PRSS37: variants seen among roughly 807,000 people sequenced by gnomAD.
PRSS37 encodes probable inactive serine protease 37.
A neutral mutation model predicts 28.0 loss-of-function variants in PRSS37; 25 were observed. The observed-to-expected ratio is 0.89, with a 90% CI of 0.65 to 1.25. The LOEUF (loss-of-function observed/expected upper bound fraction) is 1.25. Among genes scored for constraint, PRSS37 ranks in the 50% most tolerant of loss-of-function variants. The pLI is 0.00. For missense variants in PRSS37, 282 were observed against 292.2 expected, an observed-to-expected ratio of 0.97 and a Z score of 0.25; for synonymous variants, 109 against 107.8, an observed-to-expected ratio of 1.01 and a Z score of -0.07.
At chr7:141,840,093 A>G (rs1801106517) in intron 1 of PRSS37, among the ~76,000 whole-genome samples, 2 of 152,350 alleles carry the variant, frequency 1.3e-5, no homozygotes, top group East Asian at 3.8e-4. Context: ...ACAAATAAAT[A>G]AAAACATTTA....
At position 141,836,478 on chromosome 7, in the gene PRSS37, G is replaced by T. The variant is rs774855227; in HGVS notation, c.625C>A (p.His209Asn). The T allele has an allele frequency of 6.2e-7, 1 of 1,609,502 alleles. No individual in the cohort carries two copies. The highest frequency in any genetic ancestry group is 1.1e-5 in the South Asian group (1 of 90,638). Residue 209 changes from histidine to asparagine, a missense_variant, in exon 5 of 5, where the codon CAC becomes AAC. His to Asn is a moderately conservative substitution (Grantham distance 68). Transcript: ENST00000350549. ...ATGCCGACGTCCCCTCCCATGAAGT[G>T]CCCCACCTCGATTCCCTGGAGCTTG... ...KDKLQGIEVG[H>N]FMGGDVGIYT...
In PRSS37 at chr7:141,839,533, A is replaced by G. The variant is rs550199464; in HGVS notation, c.35-54T>C. On this transcript the variant is annotated intron_variant, in intron 1 of 4. Coordinates refer to ENST00000350549, the MANE Select transcript of PRSS37 (RefSeq NM_001008270.3). ...ATAAATATTATAAAAATAAGGTAAC[A>G]GTCTCTTACTTGAAAAGGAATCTGG... The G allele has an allele frequency of 2.9e-6, 4 of 1,399,552 alleles. No individual in the cohort carries two copies. The African/African-American group carries it at 5.8e-5, about 20-fold the overall frequency. 86.7% of individuals were successfully genotyped at this position (1,399,552 alleles called of 1,614,324 possible).
chr7:141,838,676 C>T, intron 2 of PRSS37: 1 of 246,702 alleles, frequency 4.1e-6, no homozygotes, highest in East Asian at 1.1e-4. Context: ...CTCCCAGGTC[C>T]CTCCCTGCAG....
In PRSS37 at chr7:141,838,054, G is replaced by A. The variant is rs1206495258; in HGVS notation, c.236C>T (p.Thr79Ile). The A allele has an allele frequency of 1.2e-6, 2 of 1,613,982 alleles. No homozygotes were observed. The highest frequency in any genetic ancestry group is 2.2e-5 in the East Asian group (1 of 44,886). ...GCGGACGATCTGAATGGGGTTAATT[G>A]TCTGTTCAGTACCGTCTCTGACTCT... ...KSRVRDGTEQ[T>I]INPIQIVRYW... The change falls in exon 3 of 5, where the codon ACA becomes ATA. Residue 79 changes from threonine (T) to isoleucine (I), a missense_variant. By Grantham distance (89) the Thr-to-Ile change is moderately conservative. Coordinates refer to ENST00000350549, the MANE Select transcript of PRSS37 (RefSeq NM_001008270.3).
chr7:141,840,854 A>C (rs931538864), intron 1 of PRSS37, among the ~76,000 whole-genome samples, 162 bp downstream of exon 1: 10 of 152,178 alleles, frequency 6.6e-5, no homozygotes, highest in Non-Finnish European at 1.0e-4. Context: ...GGCTCAGCCT[A>C]TCCGGAGAGC....
In PRSS37 at chr7:141,837,955, T is replaced by G; in HGVS notation, c.335A>C (p.Asn112Thr). 6.2e-7 allele frequency: 1 copy of G among 1,614,126 alleles called. No individual in the cohort carries two copies. Residue 112 changes from asparagine (N) to threonine (T), a missense_variant, in exon 3 of 5, where the codon AAT becomes ACT. Transcript: ENST00000350549. ...GAGGGTAAGGGGCTGGACTTTGGGA[T>G]TGAGCATGGCAGGCTTAGCCAGCTT... ...LIKLAKPAML[N>T]PKVQPLTLAT...
rs572136282 is a variant in PRSS37, at chr7:141,839,646, C to T, written c.35-167G>A. On this transcript the variant is annotated intron_variant, in intron 1 of 4. Coordinates refer to ENST00000350549, the MANE Select transcript of PRSS37 (RefSeq NM_001008270.3). Reference sequence around the variant, plus strand: ...TAAAAATGTAAATTAAAACGATATGCCATTTTATCTTATATTTATAATAAT... The same window carrying T: ...TAAAAATGTAAATTAAAACGATATGTCATTTTATCTTATATTTATAATAAT... Among the ~76,000 whole-genome samples the T allele has an allele frequency of 2.0e-5, 3 of 152,018 alleles. No individual in the cohort carries two copies. In the South Asian group the frequency reaches 6.2e-4, roughly 32 times the overall value.
chr7:141,839,512 ATAT>A, intron 1 of PRSS37, 33 bp from the exon 2 acceptor site: 1 of 1,519,590 alleles, frequency 6.6e-7, no homozygotes. Flanking sequence ...TAATACATAA[ATAT>A]TATAAAAATA....
chr7:141,839,044 T>C, intron 2 of PRSS37: 2 of 569,990 alleles, frequency 3.5e-6, no homozygotes, highest in East Asian at 4.0e-5. Flanking sequence ...CTTATGAGAG[T>C]CTGAGGAGGC....
At chr7:141,839,583 G>T in intron 1 of PRSS37, 104 bp from the exon 2 acceptor site, 1 of 882,772 alleles carries the variant, frequency 1.1e-6, no homozygotes, top group Non-Finnish European at 1.7e-6. Flanking sequence ...GTTATCAGTT[G>T]GCCAAGAAGT....
intron 2 of PRSS37, chr7:141,839,010 A>G: frequency 2.0e-6 from 1 of 497,810 alleles, no homozygotes; most frequent in Non-Finnish European, 3.9e-6. Flanking sequence ...TCATACTGCC[A>G]GTAAAAAAAA....
chr7:141,839,288 C>G (rs1203297069), intron 2 of PRSS37, 50 bp downstream of exon 2: 1 of 1,590,898 alleles, frequency 6.3e-7, no homozygotes, highest in Non-Finnish European at 8.6e-7. Flanking sequence ...AACCACTGAT[C>G]TAGAATGAAC....
intron 2 of PRSS37, 177 bp from the exon 3 acceptor site, chr7:141,838,290 G>C: frequency 1.0e-6 from 1 of 981,412 alleles, no homozygotes; most frequent in Non-Finnish European, 1.4e-6. Flanking sequence ...ATGAATTAAT[G>C]GGGGCACATA....
At chr7:141,837,369 C>T (rs7806657) in intron 3 of PRSS37, 121 bp from the exon 4 acceptor site, 216,858 of 1,261,280 alleles carry the variant, frequency 0.17, 19,353 homozygotes, top group East Asian at 0.25. Flanking sequence ...ATAAGGAATG[C>T]GACAAAGGAG....
chr7:141,841,142 A>T lies in PRSS37; in HGVS notation c.-93T>A, dbSNP rs1279332244. On this transcript the variant is annotated 5_prime_UTR_variant, in exon 1 of 5. Coordinates refer to ENST00000350549, the MANE Select transcript of PRSS37 (RefSeq NM_001008270.3). ...TTGTCTTCTCAGGAACACCTGGTAG[A>T]CTCAGTGGCTATGGTTAGATACGGA... 1 of 1,598,202 alleles carries T rather than the reference A, an allele frequency of 6.3e-7. No individual in the cohort carries two copies. The highest frequency in any genetic ancestry group is 8.5e-7 in the Non-Finnish European group (1 of 1,170,342).
At position 141,839,394 on chromosome 7, in the gene PRSS37, A is replaced by T. The variant is rs1440208911; in HGVS notation, c.120T>A (p.Cys40Ter). The change falls in exon 2 of 5, where the codon TGT becomes TGA. Residue 40 changes from cysteine to a stop codon, truncating the protein, a stop_gained. Coordinates refer to ENST00000350549, the MANE Select transcript of PRSS37 (RefSeq NM_001008270.3). LOFTEE classifies it high-confidence loss of function. ...LVYLKSHFNP[C>*]VGVLIKPSWV... ...AGCTGGGTTTGATGAGGACGCCCAC[A>T]CAGGGGTTGAAGTGAGACTTGAGGT... The T allele has an allele frequency of 1.2e-6, 2 of 1,613,818 alleles. No homozygotes were observed. Among genetic ancestry groups the T allele is most frequent in the Non-Finnish European group, 1.7e-6 (2 of 1,179,820 alleles).
chr7:141,839,584 G>T, intron 1 of PRSS37, 105 bp from the exon 2 acceptor site: 3 of 856,138 alleles, frequency 3.5e-6, no homozygotes, highest in Non-Finnish European at 5.4e-6. Flanking sequence ...TTATCAGTTG[G>T]CCAAGAAGTG....
chr7:141,836,449 G>A lies in PRSS37; in HGVS notation c.654C>T (p.Tyr218=), dbSNP rs1310730153. ...GHFMGGDVGI[Y]TNVYKYVSWI... ...AGGATACATATTTGTAAACATTGGTGTAGATGCCGACGTCCCCTCCCATGA... is the reference window on the plus strand; with the variant it reads ...AGGATACATATTTGTAAACATTGGTATAGATGCCGACGTCCCCTCCCATGA... Residue 218 remains tyrosine (Y), a synonymous_variant, in exon 5 of 5, where the codon TAC becomes TAT. Transcript: ENST00000350549. The A allele has an allele frequency of 6.2e-7, 1 of 1,614,174 alleles. No individual in the cohort carries two copies. The highest frequency in any genetic ancestry group is 1.1e-5 in the South Asian group (1 of 91,084).
intron 3 of PRSS37, 135 bp from the exon 4 acceptor site, chr7:141,837,383 AATC>A (rs1403780092): frequency 1.7e-6 from 2 of 1,183,954 alleles, no homozygotes; most frequent in East Asian, 2.5e-5. Context: ...AAAGGAGAGA[AATC>A]ATCAAGAGTG....
Sources: gnomAD v4.1 joint callset for allele counts (sites outside exome capture counted in the v4.1 genomes callset) on GRCh38, gnomAD v4.1.1 for gene constraint, MANE v1.5 for transcripts, NCBI Gene and HGNC (gene_info 2026-07-23, HGNC 2026-07-21) for gene names.